Variants in PCED1B observed in about 807,000 individuals in gnomAD.
PCED1B encodes PC-esterase domain containing 1B, also known as PC-esterase domain-containing protein 1B.
For missense variants in PCED1B, 573 were observed against 573.9 expected (o/e 1.00, Z 0.02); for synonymous variants, 251 against 246.1 (o/e 1.02, Z -0.19).
chr12:47,215,266 T>C (rs1943218396), intron 2 of PCED1B, among the ~76,000 whole-genome samples: 1 of 151,712 alleles, frequency 6.6e-6, no homozygotes, highest in Non-Finnish European at 1.5e-5. Context: ...CTTTTTTTTT[T>C]TTTAAAGATG....
intron 2 of PCED1B, among the ~76,000 whole-genome samples, chr12:47,109,873 T>G (rs542335517): frequency 6.6e-6 from 1 of 152,328 alleles, no homozygotes; most frequent in South Asian, 2.1e-4. Context: ...GATTTTCATA[T>G]GGAACCAAGA....
intron 2 of PCED1B, among the ~76,000 whole-genome samples, chr12:47,109,571 T>C (rs1190238127): frequency 6.6e-6 from 1 of 152,114 alleles, no homozygotes; most frequent in Non-Finnish European, 1.5e-5. Flanking sequence ...ATTCAAAAAA[T>C]GTAATGGTTG....
chr12:47,121,903 G>T (rs1457648163), intron 2 of PCED1B, among the ~76,000 whole-genome samples: 2 of 151,670 alleles, frequency 1.3e-5, no homozygotes, highest in African/African-American at 4.8e-5. Flanking sequence ...ATGGTGGTGG[G>T]CGCCTGTAAT....
At chr12:47,212,959 C>T (rs1943138667) in intron 2 of PCED1B, among the ~76,000 whole-genome samples, 1 of 152,182 alleles carries the variant, frequency 6.6e-6, no homozygotes, top group Non-Finnish European at 1.5e-5. Context: ...GAATACAGAA[C>T]TTGCATAAAA....
intron 2 of PCED1B, among the ~76,000 whole-genome samples, chr12:47,142,617 A>C (rs1209120828): frequency 1.3e-5 from 2 of 152,194 alleles, no homozygotes. Context: ...AAAGAAATAA[A>C]AAACATAGAA....
intron 2 of PCED1B, among the ~76,000 whole-genome samples, chr12:47,118,850 G>A (rs945212389): frequency 6.6e-6 from 1 of 152,096 alleles, no homozygotes; most frequent in East Asian, 1.9e-4. Flanking sequence ...ATTTGTTTGT[G>A]TCCTCTTTTA....
intron 1 of PCED1B, among the ~76,000 whole-genome samples, chr12:47,085,570 A>C (rs1456388418): frequency 6.6e-6 from 1 of 152,236 alleles, no homozygotes; most frequent in Non-Finnish European, 1.5e-5. Flanking sequence ...ATTCTTACTG[A>C]AATAATGTGG....
At chr12:47,153,566 A>G (rs1218137600) in intron 2 of PCED1B, among the ~76,000 whole-genome samples, 1 of 152,180 alleles carries the variant, frequency 6.6e-6, no homozygotes, top group East Asian at 1.9e-4. Context: ...GTTAAATATC[A>G]TCAAAGGAAA....
intron 2 of PCED1B, among the ~76,000 whole-genome samples, chr12:47,192,060 C>G (rs951054050): frequency 2.6e-5 from 4 of 151,982 alleles, no homozygotes; most frequent in Non-Finnish European, 4.4e-5. Flanking sequence ...TTCAATCCAC[C>G]CCGTATCACT....
chr12:47,155,748 G>A (rs1451951283), intron 2 of PCED1B, among the ~76,000 whole-genome samples: 2 of 152,134 alleles, frequency 1.3e-5, no homozygotes, highest in African/African-American at 2.4e-5. Flanking sequence ...AGATGCCTTC[G>A]GTTACTCTAC....
intron 2 of PCED1B, among the ~76,000 whole-genome samples, chr12:47,115,489 A>G (rs1939378194): frequency 6.6e-6 from 1 of 152,102 alleles, no homozygotes; most frequent in South Asian, 2.1e-4. Flanking sequence ...CTGCTTCAAT[A>G]AAGGAAGGCA....
chr12:47,116,393 T>C (rs552696161), intron 2 of PCED1B, among the ~76,000 whole-genome samples: 2 of 152,320 alleles, frequency 1.3e-5, no homozygotes, highest in Admixed American at 6.5e-5. Context: ...ATGGGAAAGG[T>C]GACATTTTTA....
intron 2 of PCED1B, among the ~76,000 whole-genome samples, chr12:47,133,973 C>T (rs1940238655): frequency 1.3e-5 from 2 of 152,164 alleles, no homozygotes; most frequent in Admixed American, 1.3e-4. Context: ...AGAAGAAAAC[C>T]CTCACTAGAA....
intron 2 of PCED1B, among the ~76,000 whole-genome samples, chr12:47,204,196 G>A (rs970946982): frequency 3.3e-5 from 5 of 152,006 alleles, no homozygotes; most frequent in African/African-American, 7.2e-5. Flanking sequence ...TGATCTGCCC[G>A]CTTCGGCATC....
At chr12:47,218,071 C>T (rs772243217) in intron 3 of PCED1B, among the ~76,000 whole-genome samples, 4 of 152,156 alleles carry the variant, frequency 2.6e-5, no homozygotes, top group Non-Finnish European at 5.9e-5. Context: ...ACAATAGCAG[C>T]GAACATCTGT....
At chr12:47,227,035 C>G (rs1013295711) in intron 3 of PCED1B, among the ~76,000 whole-genome samples, 1 of 152,110 alleles carries the variant, frequency 6.6e-6, no homozygotes. Flanking sequence ...GCTTAGGATT[C>G]TTTCCCAAAA....
intron 2 of PCED1B, chr12:47,135,684 G>A (rs928841057): frequency 2.1e-5 from 11 of 524,460 alleles, no homozygotes; most frequent in Admixed American, 9.8e-5. Context: ...TATGAAGTCC[G>A]GGCAGCAGGA....
chr12:47,191,147 C>G (rs4768781), intron 2 of PCED1B, among the ~76,000 whole-genome samples: 1 of 151,984 alleles, frequency 6.6e-6, no homozygotes, highest in Non-Finnish European at 1.5e-5. Flanking sequence ...GAACATCTTA[C>G]GATTTTTATA....
At chr12:47,109,732 G>A (rs1044216399) in intron 2 of PCED1B, among the ~76,000 whole-genome samples, 9 of 152,148 alleles carry the variant, frequency 5.9e-5, no homozygotes, top group African/African-American at 1.9e-4. Context: ...AGAAGGGGGT[G>A]CAATAGAATT....
Sources: gnomAD v4.1 joint callset for allele counts (sites outside exome capture counted in the v4.1 genomes callset) on GRCh38, gnomAD v4.1.1 for gene constraint, MANE v1.5 for transcripts, NCBI Gene and HGNC (gene_info 2026-07-23, HGNC 2026-07-21) for gene names.